Variants in FAM83F observed in about 807,000 individuals in gnomAD.
FAM83F encodes protein FAM83F.
In FAM83F, 45 loss-of-function variants were observed where a neutral mutation model predicts 42.9. The observed-to-expected ratio is 1.05, with a 90% confidence interval of 0.83 to 1.35. The LOEUF (loss-of-function observed/expected upper bound fraction) is 1.35, where lower values mean the gene tolerates loss of function less well. Among genes scored for constraint, FAM83F ranks in the 40% most tolerant of loss-of-function variants. The pLI is 0.00. For missense variants in FAM83F, 617 were observed against 695.9 expected, an observed-to-expected ratio of 0.89 and a Z score of 1.28; for synonymous variants, 306 against 298.3, an observed-to-expected ratio of 1.03 and a Z score of -0.27.
intron 1 of FAM83F, among the ~76,000 whole-genome samples, chr22:40,005,920 G>T (rs1486358598): frequency 6.6e-6 from 1 of 152,158 alleles, no homozygotes; most frequent in Non-Finnish European, 1.5e-5. Flanking sequence ...TGGGGTGGGG[G>T]CAGCCTCGCC....
chr22:40,013,325 A>G (rs1000894227), intron 1 of FAM83F, among the ~76,000 whole-genome samples: 32 of 152,208 alleles, frequency 2.1e-4, no homozygotes, highest in East Asian at 1.9e-4. Context: ...ATTTTTCTCT[A>G]TGTAGTAAGC....
At chr22:40,009,361 C>T (rs1027979425) in intron 1 of FAM83F, among the ~76,000 whole-genome samples, 27 of 152,276 alleles carry the variant, frequency 1.8e-4, no homozygotes, top group Admixed American at 1.5e-3. Flanking sequence ...CAGCCGCACC[C>T]GCCCGAGTCC....
intron 1 of FAM83F, among the ~76,000 whole-genome samples, chr22:40,010,439 A>AT (rs919072260): frequency 4.0e-5 from 6 of 151,420 alleles, no homozygotes; most frequent in East Asian, 3.9e-4. Context: ...CCAGCAATTG[A>AT]TTTTTTTTTC....
chr22:40,031,078 C>G lies in FAM83F; in HGVS notation c.*1513C>G, dbSNP rs2067584029. The G allele has an allele frequency of 6.6e-6, 1 of 152,116 alleles. No individual in the cohort carries two copies. Among genetic ancestry groups the G allele is most frequent in the Non-Finnish European group, 1.5e-5 (1 of 68,048 alleles). 9.4% of individuals were successfully genotyped at this position (152,116 alleles called of 1,614,324 possible). On this transcript the variant is annotated 3_prime_UTR_variant, in exon 5 of 5. Transcript: ENST00000333407. ...AAGGGAAAGGAAGGGTGAGCCTGTC[C>G]CCAGGGTCTTCTCTGTTAATCCCAA...
At chr22:40,000,915 C>G (rs1234270462) in intron 1 of FAM83F, among the ~76,000 whole-genome samples, 1 of 152,220 alleles carries the variant, frequency 6.6e-6, no homozygotes, top group African/African-American at 2.4e-5. Flanking sequence ...CCATGCACTC[C>G]TAATCGTTCC....
In FAM83F at chr22:40,032,115, G is replaced by A. The variant is rs2067591599; in HGVS notation, c.*2550G>A. On this transcript the variant is annotated 3_prime_UTR_variant, in exon 5 of 5. Coordinates refer to ENST00000333407, the MANE Select transcript of FAM83F (RefSeq NM_138435.4). ...GCTGGTTACATTGGAAGGGCTCTAG[G>A]AGGAACAGGATAAGGCAGCACTCTC... 6.6e-6 allele frequency: 1 copy of A among 152,364 alleles called. No individual in the cohort carries two copies. Among genetic ancestry groups the A allele is most frequent in the South Asian group, 2.1e-4 (1 of 4,834 alleles). 9.4% of individuals were successfully genotyped at this position (152,364 alleles called of 1,614,324 possible). A position where few individuals can be genotyped will look rare whatever the true frequency, so the allele number is the denominator to read the frequency against.
In FAM83F at chr22:40,039,512, T is replaced by C. The variant is rs774075831; in HGVS notation, c.*9947T>C. The C allele has an allele frequency of 6.6e-5, 10 of 152,232 alleles. No homozygotes were observed. Among genetic ancestry groups the C allele is most frequent in the Admixed American group, 3.9e-4 (6 of 15,278 alleles). The allele number at this position is 152,232 out of a possible 1,614,324, so 9.4% of individuals were successfully genotyped here. On this transcript the variant is annotated 3_prime_UTR_variant, in exon 5 of 5. Coordinates refer to ENST00000333407, the MANE Select transcript of FAM83F (RefSeq NM_138435.4). ...AGAAACGAGGAAACTGAAGCTTAGA[T>C]AGTTTGTGTGACTTGCAAAAAGTCA...
rs2067368106 is a variant in FAM83F, at chr22:39,995,294, G to A, written c.252G>A (p.Arg84=). The change falls in exon 1 of 5, where the codon CGG becomes CGA. Residue 84 remains arginine (R), a synonymous_variant. Coordinates refer to ENST00000333407, the MANE Select transcript of FAM83F (RefSeq NM_138435.4). The surrounding 1 kb of genome is among the most constrained non-coding windows in gnomAD (Gnocchi z 4.6). ...ACGCCGTCCCCGCCGCCAACGCCCG[G>A]GGCAAGAGCAAGGCCAAGGCCAAGG... is the stretch of plus-strand genomic sequence containing the variant. ...YEDAVPAANA[R]GKSKAKAKAP... 1.3e-6 allele frequency: 2 copies of A among 1,536,970 alleles called. No homozygotes were observed. Among genetic ancestry groups the A allele is most frequent in the Non-Finnish European group, 1.7e-6 (2 of 1,145,826 alleles).
chr22:40,029,642 A>G lies in FAM83F; in HGVS notation c.*77A>G. 2 of 1,558,568 alleles carry G rather than the reference A, an allele frequency of 1.3e-6. No individual in the cohort carries two copies. The highest frequency in any genetic ancestry group is 1.7e-6 in the Non-Finnish European group (2 of 1,150,814). On this transcript the variant is annotated 3_prime_UTR_variant, in exon 5 of 5. Transcript: ENST00000333407. ...GTGCTGTGGAGAGCGCAGGTCGCAC[A>G]CTGCACCAGTTTGCACATCAGACGC... is the stretch of plus-strand genomic sequence containing the variant.
chr22:39,997,717 A>G (rs1232996509), intron 1 of FAM83F, among the ~76,000 whole-genome samples: 1 of 152,186 alleles, frequency 6.6e-6, no homozygotes, highest in African/African-American at 2.4e-5. Flanking sequence ...ATTGGCAGGT[A>G]AAAAGAGCTG....
chr22:40,019,835 G>T, intron 2 of FAM83F, 52 bp from the exon 3 acceptor site: 23 of 1,560,292 alleles, frequency 1.5e-5, no homozygotes, highest in Non-Finnish European at 2.0e-5. Flanking sequence ...CAAGGACCTG[G>T]CACGGAGGCT....
At chr22:39,999,779 G>A (rs2145706724) in intron 1 of FAM83F, among the ~76,000 whole-genome samples, 1 of 152,322 alleles carries the variant, frequency 6.6e-6, no homozygotes, top group Admixed American at 6.5e-5. Flanking sequence ...TCCTGTTGTA[G>A]TTAGTGGAAA....
In FAM83F at chr22:40,023,091, GC is replaced by G. The variant is rs1190570059; in HGVS notation, c.1453+1130del. Among the ~76,000 whole-genome samples, 3 of 152,206 alleles carry G rather than the reference GC, an allele frequency of 2.0e-5. No homozygotes were observed. The highest frequency in any genetic ancestry group is 7.2e-5 in the African/African-American group (3 of 41,446). On this transcript the variant is annotated intron_variant, in intron 4 of 4. Coordinates refer to ENST00000333407, the MANE Select transcript of FAM83F (RefSeq NM_138435.4). This position sits in a 1 kb window ranked among gnomAD's most constrained non-coding sequence, Gnocchi z 4.1. ...AGTGTCAGGGCGTTCCTTCTGTTTG[GC>G]CTGGAGACGTTGACTGAGCTGCTGG...
intron 1 of FAM83F, among the ~76,000 whole-genome samples, chr22:40,017,812 G>A (rs552073065): frequency 1.3e-5 from 2 of 152,322 alleles, no homozygotes; most frequent in African/African-American, 4.8e-5. Context: ...GGGCAAAAGT[G>A]TAAAATACAA....
Position 39,995,445 on chromosome 22 carries a change from G to C in FAM83F, c.403G>C (p.Val135Leu). The change falls in exon 1 of 5, where the codon GTC becomes CTC. Residue 135 changes from valine (V) to leucine (L), a missense_variant. Transcript: ENST00000333407. This position sits in a 1 kb window ranked among gnomAD's most constrained non-coding sequence, Gnocchi z 4.6. ...TGGTTTCTACCGCGGCGTGAGCCGG[G>C]TCACGCTCTTCACCCACCCGCCCAA... Reference protein sequence around the residue: ...DTGFYRGVSRVTLFTHPPKDE... With the variant: ...DTGFYRGVSRLTLFTHPPKDE... The C allele has an allele frequency of 6.4e-7, 1 of 1,561,464 alleles. No homozygotes were observed. The highest frequency in any genetic ancestry group is 8.7e-7 in the Non-Finnish European group (1 of 1,152,776).
intron 4 of FAM83F, among the ~76,000 whole-genome samples, chr22:40,022,925 G>A (rs1601771723): frequency 6.6e-6 from 1 of 152,336 alleles, no homozygotes; most frequent in South Asian, 2.1e-4. Context: ...TGAGAGCAGG[G>A]AGCACAAGTG....
rs2067612476 is a variant in FAM83F at position 40,034,846 on chromosome 22, G to A, written c.*5281G>A. Reference sequence around the variant, plus strand: ...TGTGATTTAATTTCTTAAGGACTGGGTTTATCAAAAGTCCCTCCTGATCTA... The same window carrying A: ...TGTGATTTAATTTCTTAAGGACTGGATTTATCAAAAGTCCCTCCTGATCTA... On this transcript the variant is annotated 3_prime_UTR_variant, in exon 5 of 5. Coordinates refer to ENST00000333407, the MANE Select transcript of FAM83F (RefSeq NM_138435.4). The A allele has an allele frequency of 6.6e-6, 1 of 152,162 alleles. No individual in the cohort carries two copies. The highest frequency in any genetic ancestry group is 6.6e-5 in the Admixed American group (1 of 15,260). 9.4% of individuals were successfully genotyped at this position (152,162 alleles called of 1,614,324 possible). A position where few individuals can be genotyped will look rare whatever the true frequency, so the allele number is the denominator to read the frequency against.
chr22:40,016,753 T>G (rs1413001899), intron 1 of FAM83F, among the ~76,000 whole-genome samples: 2 of 152,104 alleles, frequency 1.3e-5, no homozygotes, highest in East Asian at 3.9e-4. Flanking sequence ...AACTTCCGCC[T>G]TCCTGGCTCA....
chr22:40,016,860 C>T (rs1161962318), intron 1 of FAM83F, among the ~76,000 whole-genome samples: 1 of 151,400 alleles, frequency 6.6e-6, no homozygotes, highest in Non-Finnish European at 1.5e-5. Flanking sequence ...GACAGGGTTT[C>T]ACCATGTTGG....
Sources: allele counts gnomAD v4.1 joint callset (sites outside exome capture counted in the v4.1 genomes callset), GRCh38; gene constraint gnomAD v4.1.1; non-coding constraint Gnocchi (gnomAD v3.1); transcripts MANE v1.5; gene names NCBI Gene and HGNC (gene_info 2026-07-23, HGNC 2026-07-21).